Variants in RAP1GAP2 observed in about 807,000 individuals in gnomAD.
The protein encoded by RAP1GAP2 is RAP1 GTPase activating protein 2, also known as rap1 GTPase-activating protein 2.
Under a neutral mutation model 95.0 loss-of-function variants are expected in RAP1GAP2, and 27 were observed. That is an observed-to-expected ratio of 0.28 (90% CI 0.21 to 0.39). RAP1GAP2 has a LOEUF of 0.39. Among genes scored for constraint, RAP1GAP2 ranks in the 10% least tolerant of loss-of-function variants. RAP1GAP2 has a pLI of 1.00. For synonymous variants in RAP1GAP2, 373 were observed against 380.9 expected (o/e 0.98, Z 0.24); for missense variants, 771 against 970.0 (o/e 0.79, Z 2.72).
At chr17:2,920,546 C>T (rs552350664) in intron 3 of RAP1GAP2, among the ~76,000 whole-genome samples, 1 of 152,330 alleles carries the variant, frequency 6.6e-6, no homozygotes, top group Admixed American at 6.5e-5. Context: ...GATTTAGAAA[C>T]CAACTGTGTG....
intron 2 of RAP1GAP2, among the ~76,000 whole-genome samples, chr17:2,838,804 A>G (rs2071254135): frequency 6.6e-6 from 1 of 152,136 alleles, no homozygotes; most frequent in Non-Finnish European, 1.5e-5. Flanking sequence ...GCAGCTCATC[A>G]CTTCAAGGAG....
intron 1 of RAP1GAP2, among the ~76,000 whole-genome samples, chr17:2,764,754 C>G (rs141470579): frequency 6.6e-6 from 1 of 152,194 alleles, no homozygotes; most frequent in East Asian, 1.9e-4. Flanking sequence ...AAAATAAAAA[C>G]AGAGTGAGAT....
chr17:2,830,692 C>T (rs1041784726), intron 2 of RAP1GAP2, among the ~76,000 whole-genome samples: 20 of 151,780 alleles, frequency 1.3e-4, no homozygotes, highest in South Asian at 6.2e-4. Flanking sequence ...CCAGCCTGGG[C>T]GACAGAATGA....
chr17:2,835,680 G>A (rs918813584), intron 2 of RAP1GAP2, among the ~76,000 whole-genome samples: 1 of 152,122 alleles, frequency 6.6e-6, no homozygotes, highest in African/African-American at 2.4e-5. Flanking sequence ...AGCTATGATC[G>A]CACCACTGCA....
upstream of RAP1GAP2, among the ~76,000 whole-genome samples, chr17:2,792,990 G>C (rs367938512): frequency 1.3e-4 from 20 of 152,318 alleles, no homozygotes; most frequent in East Asian, 3.7e-3. Flanking sequence ...GCGGCGGGCA[G>C]CTTTCACATG....
chr17:2,992,264 G>A lies in RAP1GAP2; in HGVS notation c.914+867G>A, dbSNP rs2045786754. 2.0e-5 allele frequency among the ~76,000 whole-genome samples: 3 copies of A among 151,178 alleles called. 1 individual carries two copies. Among genetic ancestry groups the A allele is most frequent in the African/African-American group, 7.3e-5 (3 of 41,052 alleles). ...CAGCCTTTGCCTCCTGGGTTCAAGC[G>A]ATTCTCCTGCATCAGCCTCCCGAGT... On this transcript the variant is annotated intron_variant, in intron 12 of 24. Transcript: ENST00000254695.
intron 3 of RAP1GAP2, among the ~76,000 whole-genome samples, chr17:2,911,260 A>ATTTTTTTTTTTT (rs34227127): frequency 0.01 from 1,354 of 131,812 alleles, 15 homozygotes; most frequent in Non-Finnish European, 0.016. Flanking sequence ...TTTGAAGGGG[A>ATTTTTTTTTTTT]TTTTTTTTTT....
At chr17:2,793,423 G>A (rs1250458078), upstream of RAP1GAP2, among the ~76,000 whole-genome samples, 2 of 152,154 alleles carry the variant, frequency 1.3e-5, no homozygotes, top group African/African-American at 4.8e-5. Flanking sequence ...CAAAGTGTTG[G>A]GATTACAGGC....
chr17:2,971,292 G>A (rs1422052022), intron 8 of RAP1GAP2, among the ~76,000 whole-genome samples: 6 of 152,048 alleles, frequency 3.9e-5, no homozygotes, highest in Non-Finnish European at 8.8e-5. Context: ...ACTTTCTTAA[G>A]TAGCTTTTAG....
intron 1 of RAP1GAP2, among the ~76,000 whole-genome samples, chr17:2,786,946 C>CTTTT (rs67990731): frequency 2.2e-4 from 13 of 58,266 alleles, no homozygotes; most frequent in East Asian, 9.5e-4. Context: ...CGCTCCCAGC[C>CTTTT]TTTTTTTTTT....
At chr17:2,869,447 A>G (rs2072753482) in intron 2 of RAP1GAP2, among the ~76,000 whole-genome samples, 1 of 152,106 alleles carries the variant, frequency 6.6e-6, no homozygotes, top group East Asian at 1.9e-4. Context: ...ATGAAAAAAA[A>G]AAAACCTAAA....
intron 3 of RAP1GAP2, among the ~76,000 whole-genome samples, chr17:2,940,281 G>A (rs2043446805): frequency 6.6e-6 from 1 of 152,182 alleles, no homozygotes; most frequent in Admixed American, 6.5e-5. Flanking sequence ...GGGATGTGGA[G>A]GGCAGGGGAC....
chr17:2,892,506 C>G (rs1375351956), intron 2 of RAP1GAP2, among the ~76,000 whole-genome samples: 2 of 152,046 alleles, frequency 1.3e-5, no homozygotes, highest in Non-Finnish European at 2.9e-5. Context: ...GCTGTATGTC[C>G]GGGAGCTGGG....
chr17:2,835,698 C>T (rs2071099373), intron 2 of RAP1GAP2, among the ~76,000 whole-genome samples: 2 of 152,224 alleles, frequency 1.3e-5, no homozygotes, highest in Admixed American at 1.3e-4. Context: ...GCATTCCAGC[C>T]TGGGTGCATT....
chr17:2,967,501 G>T (rs1484914060), intron 8 of RAP1GAP2, among the ~76,000 whole-genome samples: 1 of 152,134 alleles, frequency 6.6e-6, no homozygotes, highest in South Asian at 2.1e-4. Flanking sequence ...GAATAGACAG[G>T]GATCTTTCCA....
At chr17:3,015,321 A>G (rs1192772455) in intron 17 of RAP1GAP2, among the ~76,000 whole-genome samples, 2 of 152,066 alleles carry the variant, frequency 1.3e-5, no homozygotes, top group African/African-American at 2.4e-5. Flanking sequence ...TAGCTCATCT[A>G]GGGGGCTGTC....
chr17:2,777,167 C>T (rs565836780), exon 1 of RAP1GAP2: 1 of 152,346 alleles, frequency 6.6e-6, no homozygotes, highest in African/African-American at 2.4e-5. Flanking sequence ...TCAGAAACCC[C>T]CGCGGGCGGG....
chr17:2,773,851 G>A (rs2068443467), upstream of RAP1GAP2, among the ~76,000 whole-genome samples: 3 of 151,712 alleles, frequency 2.0e-5, no homozygotes, highest in South Asian at 2.1e-4. Flanking sequence ...TCCGCCTCCC[G>A]GGTTTAAGCA....
chr17:2,932,842 A>AGGG (rs1555571560), intron 3 of RAP1GAP2, among the ~76,000 whole-genome samples: 54 of 94,152 alleles, frequency 5.7e-4, no homozygotes, highest in African/African-American at 2.1e-3. Context: ...AAAAAAAAAA[A>AGGG]AGAGCAGGGA....
Sources: allele counts gnomAD v4.1 joint callset (sites outside exome capture counted in the v4.1 genomes callset), GRCh38; gene constraint gnomAD v4.1.1; transcripts MANE v1.5; gene names NCBI Gene and HGNC (gene_info 2026-07-23, HGNC 2026-07-21).